CPLX2: variants seen among roughly 807,000 people sequenced by gnomAD.
CPLX2 encodes the protein complexin 2, also known as complexin-2.
Under a neutral mutation model 16.3 loss-of-function variants are expected in CPLX2, and 5 were observed. That is an observed-to-expected ratio of 0.31 (90% CI 0.16 to 0.64). CPLX2 has a LOEUF of 0.64. Among genes scored for constraint, CPLX2 ranks in the 30% least tolerant of loss-of-function variants. The probability of loss-of-function intolerance (pLI) is 0.79; values close to 1 mark genes in which losing one functional copy is unlikely to be tolerated. For missense variants in CPLX2, 144 were observed against 181.4 expected, an observed-to-expected ratio of 0.79 and a Z score of 1.18; for synonymous variants, 89 against 73.2, an observed-to-expected ratio of 1.22 and a Z score of -1.10.
chr5:175,803,574 G>A (rs1581065357), intron 1 of CPLX2, among the ~76,000 whole-genome samples: 1 of 152,210 alleles, frequency 6.6e-6, no homozygotes, highest in African/African-American at 2.4e-5. Context: ...TGACAAGATT[G>A]CAGGATAGAA....
In CPLX2 at chr5:175,881,838, G is replaced by C. The variant is rs1426416328; in HGVS notation, c.*1793G>C. ...TATCCCAAAAGCAGGGGCCAGGGAG[G>C]GGGCGACTTGCCTGCCCCTGAAGCC... On this transcript the variant is annotated 3_prime_UTR_variant, in exon 4 of 4. Transcript: ENST00000393745. The C allele has an allele frequency of 6.5e-6, 1 of 152,672 alleles. No homozygotes were observed. The highest frequency in any genetic ancestry group is 1.5e-5 in the Non-Finnish European group (1 of 68,046). The allele number at this position is 152,672 out of a possible 1,614,324, so 9.5% of individuals were successfully genotyped here.
chr5:175,873,536 G>T (rs1759685682), intron 1 of CPLX2, among the ~76,000 whole-genome samples: 2 of 152,124 alleles, frequency 1.3e-5, no homozygotes, highest in African/African-American at 4.8e-5. Context: ...GACAAAGAGA[G>T]CATGTACTGG....
At chr5:175,878,574 G>A in intron 1 of CPLX2, 78 bp from the exon 2 acceptor site, 1 of 711,508 alleles carries the variant, frequency 1.4e-6, no homozygotes, top group Non-Finnish European at 2.5e-6. Context: ...GAACCAGGGT[G>A]AGGCTGCTGT....
intron 2 of CPLX2, among the ~76,000 whole-genome samples, chr5:175,822,113 G>T (rs984504744): frequency 1.3e-5 from 2 of 152,128 alleles, no homozygotes; most frequent in Non-Finnish European, 2.9e-5. Flanking sequence ...TCACTTTATA[G>T]TTCTCTGATT....
chr5:175,827,283 G>T (rs918870758), intron 2 of CPLX2, among the ~76,000 whole-genome samples: 14 of 152,188 alleles, frequency 9.2e-5, no homozygotes, highest in Non-Finnish European at 1.8e-4. Context: ...GAAGGTGACT[G>T]GGGGAGGAGC....
intron 2 of CPLX2, among the ~76,000 whole-genome samples, chr5:175,814,853 C>T (rs1226220584): frequency 6.6e-6 from 1 of 152,154 alleles, no homozygotes; most frequent in Non-Finnish European, 1.5e-5. Context: ...CATCACTCGG[C>T]TCATGAGTCA....
In CPLX2 at chr5:175,830,033, C is replaced by G. The variant is rs1315775660; in HGVS notation, c.-89+20965C>G. Among the ~76,000 whole-genome samples the G allele has an allele frequency of 6.6e-6, 1 of 152,248 alleles. No homozygotes were observed. The highest frequency in any genetic ancestry group is 2.4e-5 in the African/African-American group (1 of 41,462). Reference sequence around the variant, plus strand: ...GTGGAAGCCAGTCACAGGTCACTGCCTAGCGGTCTCTCTCATCCACCAGCG... The same window carrying G: ...GTGGAAGCCAGTCACAGGTCACTGCGTAGCGGTCTCTCTCATCCACCAGCG... On this transcript the variant is annotated intron_variant, in intron 2 of 4. Coordinates refer to the CPLX2 transcript ENST00000359546. The surrounding 1 kb of genome is among the most constrained non-coding windows in gnomAD (Gnocchi z 4.0).
At chr5:175,843,540 C>G (rs1341927866) in intron 2 of CPLX2, among the ~76,000 whole-genome samples, 1 of 152,256 alleles carries the variant, frequency 6.6e-6, no homozygotes, top group Non-Finnish European at 1.5e-5. Flanking sequence ...TTCCTGCTCA[C>G]ATCTTTGTAA....
chr5:175,871,265 G>C (rs563236169), upstream of CPLX2, among the ~76,000 whole-genome samples: 17 of 150,888 alleles, frequency 1.1e-4, no homozygotes, highest in South Asian at 2.1e-3. Context: ...CGTCTGCGAG[G>C]GGGAGGAGAA....
intron 2 of CPLX2, among the ~76,000 whole-genome samples, chr5:175,860,843 A>G (rs1759360090): frequency 6.6e-6 from 1 of 152,182 alleles, no homozygotes; most frequent in Admixed American, 6.5e-5. Context: ...TGAGGGTGGA[A>G]GAAGACAGGA....
At chr5:175,834,875 A>AAAAC (rs1166178461) in intron 2 of CPLX2, among the ~76,000 whole-genome samples, 2 of 152,164 alleles carry the variant, frequency 1.3e-5, no homozygotes, top group South Asian at 2.1e-4. Context: ...TCCTGTCTCA[A>AAAAC]AAACAAACAA....
At position 175,880,063 on chromosome 5, in the gene CPLX2, G is replaced by A. The variant is rs1371103667; in HGVS notation, c.*18G>A. 8.7e-6 allele frequency: 14 copies of A among 1,605,012 alleles called. No individual in the cohort carries two copies. In the Admixed American group the frequency reaches 1.5e-4, roughly 18 times the overall value. On this transcript the variant is annotated 3_prime_UTR_variant, in exon 4 of 4. Coordinates refer to ENST00000393745, the MANE Select transcript of CPLX2 (RefSeq NM_001008220.2). The stretch of plus-strand genomic sequence containing the variant: ...AGAAGTAACCAGGCCTCCTGCCCCA[G>A]CCTACTCCACCTGTTACTACTTCTT...
At chr5:175,822,023 T>C (rs1561773815) in intron 2 of CPLX2, among the ~76,000 whole-genome samples, 1 of 152,222 alleles carries the variant, frequency 6.6e-6, no homozygotes, top group Non-Finnish European at 1.5e-5. Flanking sequence ...GTGGGCTGAC[T>C]CTGGGCCTCT....
chr5:175,806,445 T>C (rs1260268712), intron 1 of CPLX2, among the ~76,000 whole-genome samples: 2 of 152,134 alleles, frequency 1.3e-5, no homozygotes, highest in Admixed American at 1.3e-4. Flanking sequence ...GGTGACACAC[T>C]GTAGCTTAAG....
At chr5:175,864,831 C>T (rs936353793) in intron 2 of CPLX2, among the ~76,000 whole-genome samples, 7 of 152,108 alleles carry the variant, frequency 4.6e-5, no homozygotes, top group Admixed American at 6.5e-5. Flanking sequence ...GTGTTTAGGA[C>T]GTGTGGAGCT....
intron 1 of CPLX2, chr5:175,805,514 G>A (rs1253354415): frequency 1.3e-5 from 2 of 152,228 alleles, no homozygotes; most frequent in East Asian, 1.9e-4. Context: ...TCAGCTCTGG[G>A]GTCAGAACCC....
At chr5:175,811,370 C>G (rs1758309335) in intron 2 of CPLX2, among the ~76,000 whole-genome samples, 1 of 152,112 alleles carries the variant, frequency 6.6e-6, no homozygotes, top group Non-Finnish European at 1.5e-5. Flanking sequence ...GTTCCCTCAG[C>G]TCAAGAAAAA....
At chr5:175,799,550 A>ATATATATT (rs1561766320) in intron 1 of CPLX2, among the ~76,000 whole-genome samples, 7,088 of 38,410 alleles carry the variant, frequency 0.18, 421 homozygotes, top group East Asian at 0.38. Context: ...ATATATATAT[A>ATATATATT]TATATATATA....
intron 1 of CPLX2, among the ~76,000 whole-genome samples, chr5:175,806,415 G>A (rs987916061): frequency 1.3e-5 from 2 of 152,158 alleles, no homozygotes; most frequent in Non-Finnish European, 2.9e-5. Context: ...AGGCACCTTA[G>A]AGAAACCTGT....
Sources: allele counts gnomAD v4.1 joint callset (sites outside exome capture counted in the v4.1 genomes callset), GRCh38; gene constraint gnomAD v4.1.1; non-coding constraint Gnocchi (gnomAD v3.1); transcripts MANE v1.5; gene names NCBI Gene and HGNC (gene_info 2026-07-23, HGNC 2026-07-21).